OTUD7A: variants seen among roughly 807,000 people sequenced by gnomAD.
OTUD7A encodes OTU domain-containing protein 7A.
A neutral mutation model predicts 65.7 loss-of-function variants in OTUD7A; 12 were observed. The ratio of observed to expected loss-of-function variants is 0.18; its 90% confidence interval spans 0.12 to 0.30. The LOEUF is 0.30. Ranked by LOEUF, OTUD7A falls within the 10% of genes least tolerant of loss-of-function variation. The pLI is 1.00. For synonymous variants in OTUD7A, 641 were observed against 586.3 expected (o/e 1.09, Z -1.35); for missense variants, 1,148 against 1,304.8 (o/e 0.88, Z 1.85).
At chr15:31,638,821 A>G (rs1891422361) in intron 3 of OTUD7A, among the ~76,000 whole-genome samples, 3 of 152,290 alleles carry the variant, frequency 2.0e-5, no homozygotes, top group African/African-American at 4.8e-5. Context: ...GCAAGATACC[A>G]TACATATATA....
chr15:31,546,140 C>T (rs867802414), intron 5 of OTUD7A, among the ~76,000 whole-genome samples: 1 of 152,176 alleles, frequency 6.6e-6, no homozygotes, highest in African/African-American at 2.4e-5. Context: ...GGAACTCGAA[C>T]ATCTGAGAAT....
chr15:31,488,817 C>T (rs970938956), intron 10 of OTUD7A, among the ~76,000 whole-genome samples: 10 of 152,246 alleles, frequency 6.6e-5, no homozygotes, highest in African/African-American at 1.7e-4. Context: ...CTCTCCACCC[C>T]CGCACCTCTT....
intron 1 of OTUD7A, among the ~76,000 whole-genome samples, chr15:31,793,686 T>C (rs989569397): frequency 6.6e-6 from 1 of 152,254 alleles, no homozygotes; most frequent in Non-Finnish European, 1.5e-5. Context: ...CTGTCATTCA[T>C]AAAAGACCAT....
intron 1 of OTUD7A, among the ~76,000 whole-genome samples, chr15:31,729,043 C>T (rs1208135740): frequency 6.6e-6 from 1 of 152,142 alleles, no homozygotes; most frequent in East Asian, 1.9e-4. Context: ...GCGACAGAAA[C>T]CATATTCACA....
chr15:31,502,093 G>A (rs56261134), intron 9 of OTUD7A, among the ~76,000 whole-genome samples: 2 of 152,244 alleles, frequency 1.3e-5, no homozygotes, highest in South Asian at 2.1e-4. Context: ...AGTCACCCGA[G>A]ATTGGTCAGA....
chr15:31,749,846 G>A (rs1209550032), intron 1 of OTUD7A, among the ~76,000 whole-genome samples: 1 of 152,038 alleles, frequency 6.6e-6, no homozygotes, highest in African/African-American at 2.4e-5. Context: ...CACTAGATCT[G>A]ATAAACATAG....
At chr15:31,581,054 A>G (rs763402326) in intron 3 of OTUD7A, among the ~76,000 whole-genome samples, 8 of 152,218 alleles carry the variant, frequency 5.3e-5, no homozygotes, top group Non-Finnish European at 8.8e-5. Context: ...CTTCCGAGAT[A>G]CAATGGGGGT....
intron 1 of OTUD7A, among the ~76,000 whole-genome samples, chr15:31,808,206 A>G (rs1007462843): frequency 6.6e-6 from 1 of 151,452 alleles, no homozygotes; most frequent in Non-Finnish European, 1.5e-5. Flanking sequence ...TTGACACTCC[A>G]TCAGCAAGTG....
At chr15:31,566,935 G>A (rs757356207) in intron 4 of OTUD7A, among the ~76,000 whole-genome samples, 2 of 152,190 alleles carry the variant, frequency 1.3e-5, no homozygotes, top group African/African-American at 2.4e-5. Context: ...GCAGAACCAT[G>A]AGCCAAGTAA....
chr15:31,867,923 CG>C (rs1368901596), intron 1 of OTUD7A, among the ~76,000 whole-genome samples: 5 of 111,738 alleles, frequency 4.5e-5, no homozygotes, highest in African/African-American at 1.7e-4. Flanking sequence ...GGGCGGGGGG[CG>C]GGGGCGGAGC....
chr15:31,560,812 G>A (rs1325038888), intron 4 of OTUD7A, among the ~76,000 whole-genome samples: 1 of 152,192 alleles, frequency 6.6e-6, no homozygotes, highest in East Asian at 1.9e-4. Context: ...CTGTGCTCCT[G>A]CAATGCCCCT....
chr15:31,657,762 A>G (rs1326036598), intron 1 of OTUD7A, among the ~76,000 whole-genome samples: 1 of 151,816 alleles, frequency 6.6e-6, no homozygotes, highest in African/African-American at 2.4e-5. Flanking sequence ...GGGACATTTG[A>G]CCCCAGCTAC....
At chr15:31,740,946 G>T (rs1415706102) in intron 1 of OTUD7A, among the ~76,000 whole-genome samples, 1 of 152,160 alleles carries the variant, frequency 6.6e-6, no homozygotes, top group African/African-American at 2.4e-5. Context: ...GTGATAAAAA[G>T]AATTACTTCA....
chr15:31,666,172 A>C (rs1892314823), intron 1 of OTUD7A, among the ~76,000 whole-genome samples: 1 of 152,190 alleles, frequency 6.6e-6, no homozygotes, highest in Admixed American at 6.5e-5. Context: ...CTAGCTTCAT[A>C]GAATGAATTA....
rs1354319908 is a variant in OTUD7A, at chr15:31,659,037, GAATGAATAAATAAATAAATAAATA to G, written c.-99-1984_-99-1961del. On this transcript the variant is annotated intron_variant, in intron 1 of 12. Coordinates refer to ENST00000307050, the MANE Select transcript of OTUD7A (RefSeq NM_001382637.1). ...TGAATGAATGAATGAATGAATGAAT[GAATGAATAAATAAATAAATAAATA>G]AATAAATAAATAAATAAATAAAATA... Among the ~76,000 whole-genome samples the G allele has an allele frequency of 8.3e-3, 979 of 118,518 alleles. 8 individuals carry two copies. The highest frequency in any genetic ancestry group is 0.036 in the African/African-American group (939 of 25,996). 77.8% of individuals were successfully genotyped at this position (118,518 alleles called of 152,430 possible).
At chr15:31,704,351 A>G (rs1041917856) in intron 1 of OTUD7A, among the ~76,000 whole-genome samples, 1 of 111,962 alleles carries the variant, frequency 8.9e-6, no homozygotes, top group African/African-American at 2.9e-5. Flanking sequence ...TTTTTCCTTA[A>G]GTACTGCCTG....
chr15:31,798,053 T>C (rs1465860513), intron 1 of OTUD7A, among the ~76,000 whole-genome samples: 1 of 152,164 alleles, frequency 6.6e-6, no homozygotes, highest in African/African-American at 2.4e-5. Context: ...CCCCAGTGAC[T>C]GATATCTTCT....
intron 5 of OTUD7A, among the ~76,000 whole-genome samples, chr15:31,545,392 G>A (rs1461604901): frequency 6.6e-6 from 1 of 151,862 alleles, no homozygotes; most frequent in African/African-American, 2.4e-5. Context: ...AGGCTCTCAA[G>A]TAAGGGGAAA....
chr15:31,673,001 T>C (rs1892518301), intron 1 of OTUD7A, among the ~76,000 whole-genome samples: 1 of 152,218 alleles, frequency 6.6e-6, no homozygotes, highest in Non-Finnish European at 1.5e-5. Context: ...AGTCATGGGC[T>C]TAGGATCCCA....
Sources: allele counts gnomAD v4.1 joint callset (sites outside exome capture counted in the v4.1 genomes callset), GRCh38; gene constraint gnomAD v4.1.1; transcripts MANE v1.5; gene names NCBI Gene and HGNC (gene_info 2026-07-23, HGNC 2026-07-21).